ZNF16: variants seen among roughly 807,000 people sequenced by gnomAD.
ZNF16 encodes zinc finger protein KOX9.
Under a neutral mutation model 9.0 loss-of-function variants are expected in ZNF16, and 7 were observed. The observed-to-expected ratio is 0.78, with a 90% CI of 0.44 to 1.47. The LOEUF (loss-of-function observed/expected upper bound fraction) is 1.47. Among genes scored for constraint, ZNF16 ranks in the 40% most tolerant of loss-of-function variants. ZNF16 has a pLI of 0.01. For missense variants in ZNF16, 830 were observed against 854.2 expected (o/e 0.97, Z 0.35); for synonymous variants, 312 against 301.5 (o/e 1.03, Z -0.36).
chr8:144,946,371 G>A (rs1054633756), intron 1 of ZNF16, among the ~76,000 whole-genome samples, 156 bp from the exon 2 acceptor site: 13 of 152,180 alleles, frequency 8.5e-5, no homozygotes, highest in African/African-American at 2.9e-4. Context: ...TGTGTTTCCT[G>A]ATCTTGGACC....
At position 144,931,518 on chromosome 8, in the gene ZNF16, G is replaced by T; in HGVS notation, c.1269C>A (p.His423Gln). 2 of 1,613,930 alleles carry T rather than the reference G, an allele frequency of 1.2e-6. No individual in the cohort carries two copies. The highest frequency in any genetic ancestry group is 1.7e-6 in the Non-Finnish European group (2 of 1,179,942). ...GCTTCTCTCCAGTGTGAACCCTGTG[G>T]TGCTTAATGAGGTTGGAGACCCGAC... is the stretch of plus-strand genomic sequence containing the variant. ...PFSRVSNLIK[H>Q]HRVHTGEKPY... Residue 423 changes from histidine (H) to glutamine (Q), a missense_variant, in exon 3 of 3, where the codon CAC becomes CAA. His to Gln is a conservative substitution (Grantham distance 24, BLOSUM62 0). Transcript: ENST00000394909.
In ZNF16 at chr8:144,931,353, C is replaced by T; in HGVS notation, c.1434G>A (p.Lys478=). Reference sequence around the variant, plus strand: ...TCTCTCCCGTGTGGATGATCTGGTGCTTTCGGAGCACTGAGCTATAACTAA... The same window carrying T: ...TCTCTCCCGTGTGGATGATCTGGTGTTTTCGGAGCACTGAGCTATAACTAA... ...KAFSYSSVLR[K]HQIIHTGEKP... Residue 478 remains lysine, a synonymous_variant, in exon 3 of 3, where the codon AAG becomes AAA. Coordinates refer to ENST00000394909, the MANE Select transcript of ZNF16 (RefSeq NM_006958.3). 6.2e-7 allele frequency: 1 copy of T among 1,614,006 alleles called. No individual in the cohort carries two copies.
At chr8:144,950,149 C>T (rs531728690) in intron 1 of ZNF16, among the ~76,000 whole-genome samples, 160 of 152,238 alleles carry the variant, frequency 1.1e-3, no homozygotes, top group African/African-American at 1.7e-3. Flanking sequence ...GGCATAGTAC[C>T]TCCCCTTAAA....
rs1833496939 is a variant in ZNF16, at chr8:144,930,517, A to G, written c.*221T>C. The stretch of plus-strand genomic sequence containing the variant: ...CAGTCCGTTCACAAGCTGTAAAAAC[A>G]AGCCCAAACCCAAGACATCACAAGA... On this transcript the variant is annotated 3_prime_UTR_variant, in exon 3 of 3. Transcript: ENST00000394909. The G allele has an allele frequency of 4.1e-6, 2 of 489,358 alleles. No homozygotes were observed. Among genetic ancestry groups the G allele is most frequent in the East Asian group, 6.1e-5 (2 of 32,762 alleles). 30.3% of individuals were successfully genotyped at this position (489,358 alleles called of 1,614,324 possible). A position where few individuals can be genotyped will look rare whatever the true frequency, so the allele number is the denominator to read the frequency against.
At chr8:144,949,784 G>A (rs973975445) in intron 1 of ZNF16, among the ~76,000 whole-genome samples, 7 of 152,174 alleles carry the variant, frequency 4.6e-5, no homozygotes, top group Admixed American at 3.9e-4. Context: ...TTGGAAAGCC[G>A]GGTATTGTCC....
At position 144,931,802 on chromosome 8, in the gene ZNF16, C is replaced by G; in HGVS notation, c.985G>C (p.Ala329Pro). Residue 329 changes from alanine (A) to proline (P), a missense_variant, in exon 3 of 3, where the codon GCT (alanine) becomes CCT (proline). Physicochemically the swap from Ala to Pro is conservative, Grantham distance 27. Coordinates refer to ENST00000394909, the MANE Select transcript of ZNF16 (RefSeq NM_006958.3). ...ATGAGGTTTGAGCTCCGCCTAAAAG[C>G]CTTCCCACATTCATTGCATTCATAG... Reference protein sequence around the residue: ...KPYECNECGKAFRRSSNLIQH... With the variant: ...KPYECNECGKPFRRSSNLIQH... 1 of 1,614,162 alleles carries G rather than the reference C, an allele frequency of 6.2e-7. No homozygotes were observed. Among genetic ancestry groups the G allele is most frequent in the Non-Finnish European group, 8.5e-7 (1 of 1,180,040 alleles).
In ZNF16 at chr8:144,931,188, G is replaced by A. The variant is rs954717383; in HGVS notation, c.1599C>T (p.Ile533=). Reference sequence around the variant, plus strand: ...CTCCAGTGTGGACTCGCTGGTGAAGGATGAGGTTGGAGCTGCGACCAAAGG... The same window carrying A: ...CTCCAGTGTGGACTCGCTGGTGAAGAATGAGGTTGGAGCTGCGACCAAAGG... ...GKTFGRSSNL[I]LHQRVHTGEK... Residue 533 remains isoleucine (I), a synonymous_variant, in exon 3 of 3, where the codon ATC becomes ATT. Transcript: ENST00000394909. The A allele has an allele frequency of 6.2e-7, 1 of 1,610,564 alleles. No homozygotes were observed. Among genetic ancestry groups the A allele is most frequent in the Admixed American group, 1.7e-5 (1 of 59,636 alleles).
intron 2 of ZNF16, among the ~76,000 whole-genome samples, chr8:144,934,380 G>GT (rs1289114214): frequency 1.3e-5 from 2 of 152,244 alleles, no homozygotes. Flanking sequence ...CACAGATGTG[G>GT]GTGCCTTTCT....
At chr8:144,936,776 G>A (rs955636182) in intron 2 of ZNF16, among the ~76,000 whole-genome samples, 4 of 151,916 alleles carry the variant, frequency 2.6e-5, no homozygotes, top group Non-Finnish European at 5.9e-5. Context: ...ACCCAGGCTG[G>A]AGTGCAGTGG....
At chr8:144,942,184 T>G (rs1563923118) in intron 2 of ZNF16, among the ~76,000 whole-genome samples, 1 of 150,718 alleles carries the variant, frequency 6.6e-6, no homozygotes, top group Non-Finnish European at 1.5e-5. Context: ...TTCACTGTGT[T>G]AGCCGGGATG....
At position 144,932,546 on chromosome 8, in the gene ZNF16, C is replaced by T. The variant is rs757570572; in HGVS notation, c.241G>A (p.Asp81Asn). The change falls in exon 3 of 3, where the codon GAC (aspartate) becomes AAC (asparagine). Residue 81 changes from aspartate (D) to asparagine (N), a missense_variant. Physicochemically the swap from Asp to Asn is conservative, Grantham distance 23. Transcript: ENST00000394909. The surrounding 1 kb of genome is among the most constrained non-coding windows in gnomAD (Gnocchi z 5.0). ...TEDKEFLHKE[D>N]IHEDLESQAE... The stretch of plus-strand genomic sequence containing the variant: ...TGTGATTCCAAATCTTCATGAATGT[C>T]TTCCTTGTGAAGAAACTCCTTGTCT... 1.9e-5 allele frequency: 31 copies of T among 1,614,136 alleles called. No individual in the cohort carries two copies. The highest frequency in any genetic ancestry group is 2.3e-5 in the Non-Finnish European group (27 of 1,180,000).
chr8:144,935,177 A>C lies in ZNF16; in HGVS notation c.197-2587T>G, dbSNP rs375708598. Among the ~76,000 whole-genome samples the C allele has an allele frequency of 2.0e-5, 3 of 150,458 alleles. No individual in the cohort carries two copies. In the East Asian group the frequency reaches 5.8e-4, roughly 29 times the overall value. On this transcript the variant is annotated intron_variant, in intron 2 of 2. Coordinates refer to ENST00000394909, the MANE Select transcript of ZNF16 (RefSeq NM_006958.3). ...AGTTCCTCTACAGAAAGGAAATATA[A>C]AATAAAAAATTTTATTTTCCTTTAA...
At chr8:144,946,899 TG>T (rs1287310834) in intron 1 of ZNF16, among the ~76,000 whole-genome samples, 3 of 118,030 alleles carry the variant, frequency 2.5e-5, no homozygotes, top group African/African-American at 8.3e-5. Flanking sequence ...TGTCCTGCTG[TG>T]GGGCCTGTAC....
At chr8:144,940,086 C>CT (rs966305162) in intron 2 of ZNF16, among the ~76,000 whole-genome samples, 19 of 150,500 alleles carry the variant, frequency 1.3e-4, no homozygotes, top group African/African-American at 3.2e-4. Flanking sequence ...TCTTTCTTTC[C>CT]TTTTTTTTTG....
intron 2 of ZNF16, among the ~76,000 whole-genome samples, chr8:144,943,622 C>T (rs1418202790): frequency 3.3e-5 from 5 of 151,974 alleles, no homozygotes; most frequent in South Asian, 2.1e-4. Flanking sequence ...TGGGTTCAAG[C>T]GATTCTCCTG....
At position 144,931,955 on chromosome 8, in the gene ZNF16, A is replaced by C; in HGVS notation, c.832T>G (p.Ser278Ala). Residue 278 changes from serine (S) to alanine (A), a missense_variant, in exon 3 of 3, where the codon TCA becomes GCA. Transcript: ENST00000394909. ...SECGKAFRGH[S>A]DFSRHQSHHS... Reference sequence around the variant, plus strand: ...TGACTCTGATGCCTAGAAAAGTCTGAGTGCCCTCGGAAGGCTTTCCCACAT... The same window carrying C: ...TGACTCTGATGCCTAGAAAAGTCTGCGTGCCCTCGGAAGGCTTTCCCACAT... 6.2e-7 allele frequency: 1 copy of C among 1,613,466 alleles called. No homozygotes were observed. Among genetic ancestry groups the C allele is most frequent in the Non-Finnish European group, 8.5e-7 (1 of 1,179,536 alleles).
chr8:144,946,254 G>A (rs552692565), intron 1 of ZNF16, 39 bp from the exon 2 acceptor site: 2 of 1,450,374 alleles, frequency 1.4e-6, no homozygotes, highest in Non-Finnish European at 1.8e-6. Context: ...CTACAGACAG[G>A]CTAGCTCTAG....
chr8:144,946,023 A>G lies in ZNF16; in HGVS notation c.184T>C (p.Tyr62His), dbSNP rs750529978. Residue 62 changes from tyrosine to histidine, a missense_variant, in exon 2 of 3, where the codon TAT (tyrosine) becomes CAT (histidine). Tyr to His is a moderately conservative substitution (Grantham distance 83, BLOSUM62 2). Coordinates refer to ENST00000394909, the MANE Select transcript of ZNF16 (RefSeq NM_006958.3). The stretch of plus-strand genomic sequence containing the variant: ...GTTCTTAAAGTACCTGGCTGCTGAT[A>G]GTGAGGGCAGATGGCTTCCAGCTCA... ...DTELEAICPH[Y>H]QQPDCDTRTE... The G allele has an allele frequency of 6.2e-7, 1 of 1,613,688 alleles. No homozygotes were observed. The highest frequency in any genetic ancestry group is 1.7e-5 in the Admixed American group (1 of 60,000).
At chr8:144,947,872 T>C (rs1168486530) in intron 1 of ZNF16, 2 of 152,316 alleles carry the variant, frequency 1.3e-5, no homozygotes, top group African/African-American at 4.8e-5. Flanking sequence ...ATGTTACTGA[T>C]TCCCCCACCC....
Sources: allele counts gnomAD v4.1 joint callset (sites outside exome capture counted in the v4.1 genomes callset), GRCh38; gene constraint gnomAD v4.1.1; non-coding constraint Gnocchi (gnomAD v3.1); transcripts MANE v1.5; gene names NCBI Gene and HGNC (gene_info 2026-07-23, HGNC 2026-07-21).